Variants in RUNX1 observed in about 807,000 individuals in gnomAD.
The protein encoded by RUNX1 is RUNX family transcription factor 1, also known as runt-related transcription factor 1.
A neutral mutation model predicts 42.8 loss-of-function variants in RUNX1; 19 were observed. The ratio of observed to expected loss-of-function variants is 0.44; its 90% confidence interval spans 0.31 to 0.65. The LOEUF is 0.65. Among genes scored for constraint, RUNX1 ranks in the 30% least tolerant of loss-of-function variants. The pLI is 0.07. For synonymous variants in RUNX1, 271 were observed against 289.4 expected (o/e 0.94, Z 0.64); for missense variants, 528 against 672.0 (o/e 0.79, Z 2.37).
At chr21:34,935,653 A>G (rs752840175) in intron 2 of RUNX1, among the ~76,000 whole-genome samples, 6 of 151,926 alleles carry the variant, frequency 3.9e-5, no homozygotes, top group Admixed American at 6.6e-5. Context: ...GGGCTGGATG[A>G]ATCATTGCTG....
chr21:34,899,755 G>C (rs762615866), intron 2 of RUNX1, among the ~76,000 whole-genome samples: 1 of 152,244 alleles, frequency 6.6e-6, no homozygotes, highest in Non-Finnish European at 1.5e-5. Flanking sequence ...CAGTTTGCCT[G>C]CAGAGTGCCC....
At chr21:35,032,018 T>C (rs543300138) in intron 2 of RUNX1, among the ~76,000 whole-genome samples, 19 of 152,298 alleles carry the variant, frequency 1.2e-4, no homozygotes, top group African/African-American at 4.3e-4. Context: ...TGCTTCTAAG[T>C]GACTGCAGGC....
intron 7 of RUNX1, chr21:34,821,264 C>A: frequency 2.8e-6 from 3 of 1,072,962 alleles, no homozygotes; most frequent in Non-Finnish European, 3.4e-6. Context: ...AATAAGAGCA[C>A]ATAAATAGCA....
Position 34,788,360 on chromosome 21 carries a change from T to C in RUNX1, c.*3775A>G. 4.3e-6 allele frequency: 1 copy of C among 233,490 alleles called. No individual in the cohort carries two copies. The highest frequency in any genetic ancestry group is 1.3e-3 in the Middle Eastern group (1 of 782). The allele number at this position is 233,490 out of a possible 1,614,324, so 14.5% of individuals were successfully genotyped here. A position where few individuals can be genotyped will look rare whatever the true frequency, so the allele number is the denominator to read the frequency against. ...AACACAAATAACCAACAGTTCTTTT[T>C]CTTTTTTTGCACATTCATTTCCCCT... On this transcript the variant is annotated 3_prime_UTR_variant, in exon 9 of 9. Coordinates refer to ENST00000675419, the MANE Select transcript of RUNX1 (RefSeq NM_001754.5).
chr21:34,924,156 C>A (rs1449813198), intron 2 of RUNX1, among the ~76,000 whole-genome samples: 1 of 152,214 alleles, frequency 6.6e-6, no homozygotes, highest in Non-Finnish European at 1.5e-5. Flanking sequence ...ACAGCTTACC[C>A]ATCAATCCAA....
At position 34,790,379 on chromosome 21, in the gene RUNX1, G is replaced by T. The variant is rs1452416118; in HGVS notation, c.*1756C>A. On this transcript the variant is annotated 3_prime_UTR_variant, in exon 9 of 9. Transcript: ENST00000675419. ...AAGTCCTGCTTTCAAATACTCTTCA[G>T]AGTTGACCTGAAATCGTTTCAACGA... 8 of 233,508 alleles carry T rather than the reference G, an allele frequency of 3.4e-5. No individual in the cohort carries two copies. Among genetic ancestry groups the T allele is most frequent in the African/African-American group, 1.3e-4 (6 of 45,310 alleles). The allele number at this position is 233,508 out of a possible 1,614,324, so 14.5% of individuals were successfully genotyped here.
intron 7 of RUNX1, among the ~76,000 whole-genome samples, chr21:34,820,866 C>T (rs1282112376): frequency 6.6e-6 from 1 of 152,124 alleles, no homozygotes; most frequent in Non-Finnish European, 1.5e-5. Flanking sequence ...TGAGGCAGAC[C>T]CGAACCAGCC....
At chr21:34,834,340 C>A in intron 7 of RUNX1, 70 bp downstream of exon 7, 5 of 1,509,180 alleles carry the variant, frequency 3.3e-6, no homozygotes, top group Non-Finnish European at 4.6e-6. Context: ...GGTGTGTGCA[C>A]ATGGGGGCCA....
chr21:35,027,993 A>G (rs2059248926), intron 2 of RUNX1, among the ~76,000 whole-genome samples: 1 of 152,236 alleles, frequency 6.6e-6, no homozygotes. Context: ...AGACTAGACT[A>G]AGAAATCCAT....
chr21:34,905,542 A>T (rs990937669), intron 2 of RUNX1, among the ~76,000 whole-genome samples: 12 of 152,244 alleles, frequency 7.9e-5, no homozygotes, highest in South Asian at 2.1e-4. Context: ...CCTTTAGTGA[A>T]GATATGACAC....
intron 2 of RUNX1, among the ~76,000 whole-genome samples, chr21:34,976,580 C>T (rs1238728702): frequency 6.6e-6 from 1 of 152,138 alleles, no homozygotes; most frequent in Non-Finnish European, 1.5e-5. Context: ...TGACGAACAC[C>T]GTGGAAGCTC....
chr21:34,805,663 C>A (rs956488298), intron 7 of RUNX1, among the ~76,000 whole-genome samples: 1 of 152,096 alleles, frequency 6.6e-6, no homozygotes, highest in African/African-American at 2.4e-5. Flanking sequence ...TATTTTCTGA[C>A]AAACAAAACT....
At chr21:34,917,048 C>T (rs559259091) in intron 2 of RUNX1, among the ~76,000 whole-genome samples, 3 of 152,264 alleles carry the variant, frequency 2.0e-5, no homozygotes, top group East Asian at 1.9e-4. Context: ...CATGCTGTTC[C>T]GACACAGTAG....
At chr21:34,829,247 C>A (rs1163533398) in intron 7 of RUNX1, among the ~76,000 whole-genome samples, 1 of 152,186 alleles carries the variant, frequency 6.6e-6, no homozygotes, top group East Asian at 1.9e-4. Flanking sequence ...CAAATACATG[C>A]TCCAACTACA....
At chr21:34,887,958 G>C in intron 3 of RUNX1, 1 of 1,065,936 alleles carries the variant, frequency 9.4e-7, no homozygotes, top group Non-Finnish European at 1.1e-6. Flanking sequence ...ACAATCATAA[G>C]AAGGCCCAGT....
intron 2 of RUNX1, among the ~76,000 whole-genome samples, chr21:34,985,237 T>C (rs939308285): frequency 1.4e-4 from 22 of 152,170 alleles, no homozygotes; most frequent in African/African-American, 5.3e-4. Context: ...GGTCTCATCA[T>C]AGTTTCTTGC....
At chr21:34,821,236 T>C in intron 7 of RUNX1, 4 of 1,047,060 alleles carry the variant, frequency 3.8e-6, no homozygotes, top group Middle Eastern at 4.4e-4. Flanking sequence ...AACTAACTGG[T>C]GATACAACAA....
chr21:34,881,575 C>T (rs1447152023), intron 4 of RUNX1, among the ~76,000 whole-genome samples: 2 of 152,220 alleles, frequency 1.3e-5, no homozygotes, highest in African/African-American at 4.8e-5. Context: ...CTGTGAGTCT[C>T]AGCGTGTGTA....
Position 34,888,690 on chromosome 21 carries a change from G to A in RUNX1, c.98-1594C>T, listed in dbSNP as rs907189240. The A allele has an allele frequency of 2.9e-6, 3 of 1,038,950 alleles. No individual in the cohort carries two copies. The Admixed American group carries it at 1.7e-4, about 58-fold the overall frequency. The allele number at this position is 1,038,950 out of a possible 1,614,324, so 64.4% of individuals were successfully genotyped here. A position where few individuals can be genotyped will look rare whatever the true frequency, so the allele number is the denominator to read the frequency against. On this transcript the variant is annotated intron_variant, in intron 3 of 8. Transcript: ENST00000675419. ...TCCCGCCCGCGCCCGCTGGCTCTAT[G>A]AATGAGAGTGCCTGGAAATGAACGT... is the stretch of plus-strand genomic sequence containing the variant.
Sources: allele counts gnomAD v4.1 joint callset (sites outside exome capture counted in the v4.1 genomes callset), GRCh38; gene constraint gnomAD v4.1.1; transcripts MANE v1.5; gene names NCBI Gene and HGNC (gene_info 2026-07-23, HGNC 2026-07-21).